Variants in MRLN observed in about 807,000 individuals in gnomAD.
MRLN encodes myoregulin.
intron 1 of MRLN, among the ~76,000 whole-genome samples, chr10:59,750,587 C>G (rs888961449): frequency 1.3e-5 from 2 of 152,188 alleles, no homozygotes; most frequent in African/African-American, 4.8e-5. Context: ...CATACATTGC[C>G]CCTGAGATGA....
intron 1 of MRLN, among the ~76,000 whole-genome samples, chr10:59,745,074 C>A (rs1019699442): frequency 6.6e-6 from 1 of 151,820 alleles, no homozygotes; most frequent in East Asian, 1.9e-4. Context: ...TGCCAAATCC[C>A]CCTCTCTGAG....
intron 2 of MRLN, 105 bp downstream of exon 2, chr10:59,738,354 C>T (rs1315258826): frequency 6.6e-6 from 1 of 152,168 alleles, no homozygotes; most frequent in Non-Finnish European, 1.5e-5. Flanking sequence ...CCAGGGGTAC[C>T]TTCAACTCTC....
At chr10:59,752,912 A>G (rs1169602793) in intron 1 of MRLN, among the ~76,000 whole-genome samples, 2 of 152,212 alleles carry the variant, frequency 1.3e-5, no homozygotes, top group Admixed American at 1.3e-4. Flanking sequence ...AAAAGTGCCC[A>G]GGTCTCTTGT....
chr10:59,739,344 C>A (rs1453646609), intron 1 of MRLN: 1 of 152,044 alleles, frequency 6.6e-6, no homozygotes, highest in African/African-American at 2.4e-5. Flanking sequence ...ACCATGGATA[C>A]CAAAATCCAT....
intron 1 of MRLN, among the ~76,000 whole-genome samples, chr10:59,742,942 C>A (rs10993982): frequency 0.36 from 55,345 of 151,796 alleles, 10,361 homozygotes; most frequent in South Asian, 0.49. Context: ...ATTCCCCAGG[C>A]TGGTCTTGAA....
chr10:59,748,648 G>T (rs959082781), intron 1 of MRLN, among the ~76,000 whole-genome samples: 2 of 152,204 alleles, frequency 1.3e-5, no homozygotes, highest in Admixed American at 1.3e-4. Flanking sequence ...TGGAGCTTTT[G>T]TAAACTTCTC....
chr10:59,737,866 C>T (rs534637898), intron 2 of MRLN, among the ~76,000 whole-genome samples: 4 of 152,090 alleles, frequency 2.6e-5, no homozygotes, highest in Non-Finnish European at 2.9e-5. Context: ...TTCTTAATCC[C>T]TTTTACAGGG....
intron 1 of MRLN, among the ~76,000 whole-genome samples, chr10:59,745,490 C>A (rs1410014459): frequency 1.6e-5 from 2 of 123,986 alleles, no homozygotes; most frequent in Non-Finnish European, 3.3e-5. Flanking sequence ...TAATTCCCCC[C>A]CCCACCCCCC....
intron 1 of MRLN, among the ~76,000 whole-genome samples, chr10:59,750,203 C>T (rs1304827639): frequency 6.6e-6 from 1 of 151,034 alleles, no homozygotes; most frequent in Non-Finnish European, 1.5e-5. Flanking sequence ...CCCCGAGTAG[C>T]TGGGATTACA....
chr10:59,746,780 A>G (rs544547361), intron 1 of MRLN, among the ~76,000 whole-genome samples: 2 of 152,322 alleles, frequency 1.3e-5, no homozygotes, highest in Admixed American at 6.5e-5. Context: ...TGAGCTCACT[A>G]TTTAACAACA....
intron 1 of MRLN, among the ~76,000 whole-genome samples, chr10:59,744,506 G>C (rs1370716474): frequency 2.0e-5 from 3 of 149,648 alleles, no homozygotes; most frequent in Admixed American, 1.3e-4. Context: ...GCCCCCGCCC[G>C]GCTGCCACCC....
At chr10:59,746,514 T>C (rs2132593041) in intron 1 of MRLN, among the ~76,000 whole-genome samples, 1 of 152,296 alleles carries the variant, frequency 6.6e-6, no homozygotes, top group Non-Finnish European at 1.5e-5. Flanking sequence ...TTTGAAAAGA[T>C]CTACATTATA....
At chr10:59,748,091 GTTTTTTT>G in intron 1 of MRLN, among the ~76,000 whole-genome samples, 1 of 135,934 alleles carries the variant, frequency 7.4e-6, no homozygotes, top group South Asian at 2.4e-4. Context: ...TTTTTCTTTT[GTTTTTTT>G]TTTTTTTGCT....
chr10:59,746,554 A>T (rs1047596196), intron 1 of MRLN, among the ~76,000 whole-genome samples: 5 of 152,208 alleles, frequency 3.3e-5, no homozygotes, highest in Admixed American at 3.3e-4. Context: ...GCATGGAAAC[A>T]TCACATAATT....
intron 1 of MRLN, among the ~76,000 whole-genome samples, chr10:59,741,456 C>T (rs1840982619): frequency 6.6e-6 from 1 of 152,118 alleles, no homozygotes; most frequent in Non-Finnish European, 1.5e-5. Flanking sequence ...AAATATGGCT[C>T]ACTACAGGCT....
chr10:59,740,111 T>C (rs1201077776), intron 1 of MRLN, among the ~76,000 whole-genome samples: 1 of 151,162 alleles, frequency 6.6e-6, no homozygotes, highest in Non-Finnish European at 1.5e-5. Context: ...AAAAAGATTA[T>C]AACAGAGTTG....
chr10:59,742,914 G>C (rs1023322200), intron 1 of MRLN, among the ~76,000 whole-genome samples: 1 of 151,952 alleles, frequency 6.6e-6, no homozygotes, highest in African/African-American at 2.4e-5. Context: ...TATTTTTGTA[G>C]AGACAGGGTC....
At chr10:59,740,166 T>C (rs1840966664) in intron 1 of MRLN, among the ~76,000 whole-genome samples, 1 of 151,410 alleles carries the variant, frequency 6.6e-6, no homozygotes, top group Non-Finnish European at 1.5e-5. Context: ...TATAATGTCA[T>C]AGCACAATGC....
intron 1 of MRLN, among the ~76,000 whole-genome samples, chr10:59,750,056 CTCTCTCTT>C (rs1274569836): frequency 7.2e-6 from 1 of 138,402 alleles, no homozygotes; most frequent in African/African-American, 2.7e-5. Flanking sequence ...CTCTCTCTCT[CTCTCTCTT>C]TTTTTTTTTT....
Sources: allele counts gnomAD v4.1 joint callset (sites outside exome capture counted in the v4.1 genomes callset), GRCh38; gene constraint gnomAD v4.1.1; transcripts MANE v1.5; gene names NCBI Gene and HGNC (gene_info 2026-07-23, HGNC 2026-07-21).